Variants in ARHGEF38 observed in about 807,000 individuals in gnomAD.
The protein encoded by ARHGEF38 is Rho guanine nucleotide exchange factor 38.
A neutral mutation model predicts 79.9 loss-of-function variants in ARHGEF38; 79 were observed. The ratio of observed to expected loss-of-function variants is 0.99; its 90% CI spans 0.82 to 1.19. ARHGEF38 has a LOEUF of 1.19. Ranked by LOEUF, ARHGEF38 falls within the 50% of genes most tolerant of loss-of-function variation. ARHGEF38 has a pLI of 0.00. For synonymous variants in ARHGEF38, 366 were observed against 328.3 expected, an observed-to-expected ratio of 1.11 and a Z score of -1.24; for missense variants, 962 against 907.2, an observed-to-expected ratio of 1.06 and a Z score of -0.78.
intron 13 of ARHGEF38, among the ~76,000 whole-genome samples, chr4:105,672,735 G>T (rs779565142): frequency 6.6e-6 from 1 of 152,152 alleles, no homozygotes; most frequent in Non-Finnish European, 1.5e-5. Context: ...CTAGCTGTTT[G>T]CTGGTTGTAT....
chr4:105,628,654 C>T (rs907554776), intron 3 of ARHGEF38, among the ~76,000 whole-genome samples: 2 of 151,990 alleles, frequency 1.3e-5, no homozygotes, highest in Admixed American at 6.6e-5. Context: ...TTCTTATAGG[C>T]CCCCAGAAAG....
At chr4:105,658,240 T>A (rs1256387778) in intron 9 of ARHGEF38, among the ~76,000 whole-genome samples, 2 of 152,088 alleles carry the variant, frequency 1.3e-5, no homozygotes, top group Admixed American at 1.3e-4. Flanking sequence ...AGACCGTATC[T>A]CTACCAAAAA....
Position 105,589,412 on chromosome 4 carries a change from G to A in ARHGEF38, c.361G>A (p.Val121Ile), listed in dbSNP as rs779347709. Reference protein sequence around the residue: ...NDLELCVREVVQPLRNKKTDR... With the variant: ...NDLELCVREVIQPLRNKKTDR... ...TCTAGAGCTGTGTGTTAGGGAAGTG[G>A]TTCAGCCCCTGAGAAATAAAAAGGT... The change falls in exon 2 of 14, where the codon GTT (valine) becomes ATT (isoleucine). Residue 121 changes from valine (V) to isoleucine (I), a missense_variant. Coordinates refer to ENST00000420470, the MANE Select transcript of ARHGEF38 (RefSeq NM_001242729.2). 1 of 1,608,852 alleles carries A rather than the reference G, an allele frequency of 6.2e-7. No individual in the cohort carries two copies. Among genetic ancestry groups the A allele is most frequent in the South Asian group, 1.1e-5 (1 of 89,588 alleles).
At chr4:105,657,134 A>G (rs1004203249) in intron 9 of ARHGEF38, among the ~76,000 whole-genome samples, 1 of 152,206 alleles carries the variant, frequency 6.6e-6, no homozygotes, top group Non-Finnish European at 1.5e-5. Context: ...TATTTTCTGC[A>G]TTTAATTATA....
At chr4:105,662,196 C>T (rs1560756296) in intron 10 of ARHGEF38, among the ~76,000 whole-genome samples, 1 of 152,084 alleles carries the variant, frequency 6.6e-6, no homozygotes, top group South Asian at 2.1e-4. Context: ...CATATGAGGG[C>T]TATTTATCTT....
intron 5 of ARHGEF38, among the ~76,000 whole-genome samples, chr4:105,639,736 C>T (rs1382805405): frequency 6.6e-6 from 1 of 151,786 alleles, no homozygotes; most frequent in East Asian, 1.9e-4. Flanking sequence ...CTCATTTGTC[C>T]ATAAATGTAT....
intron 5 of ARHGEF38, among the ~76,000 whole-genome samples, chr4:105,641,697 T>C (rs777128287): frequency 1.3e-5 from 2 of 151,882 alleles, no homozygotes; most frequent in Non-Finnish European, 2.9e-5. Context: ...CATTAAGAAA[T>C]ATAGATGCGC....
chr4:105,641,665 T>C (rs536042729), intron 5 of ARHGEF38, among the ~76,000 whole-genome samples: 1 of 152,226 alleles, frequency 6.6e-6, no homozygotes, highest in East Asian at 1.9e-4. Flanking sequence ...ATTATTCTTT[T>C]TTTTATGTAT....
At chr4:105,612,980 TA>T (rs1419175468) in intron 2 of ARHGEF38, among the ~76,000 whole-genome samples, 1 of 152,108 alleles carries the variant, frequency 6.6e-6, no homozygotes, top group African/African-American at 2.4e-5. Context: ...ATCTGTGGTT[TA>T]AAAAACAGCT....
In ARHGEF38 at chr4:105,557,857, C is replaced by T. The variant is rs190658549; in HGVS notation, c.196+4896C>T. On this transcript the variant is annotated intron_variant, in intron 1 of 13. Transcript: ENST00000420470. ...CAAACCAACCAAGACGGGTCGATTA[C>T]CTTTATCCTCTATGGCCACACTAAA... Among the ~76,000 whole-genome samples the T allele has an allele frequency of 4.6e-5, 7 of 152,154 alleles. No homozygotes were observed. In the East Asian group the frequency reaches 1.4e-3, roughly 29 times the overall value.
chr4:105,676,664 A>G (rs974406923), intron 13 of ARHGEF38, among the ~76,000 whole-genome samples: 9 of 152,156 alleles, frequency 5.9e-5, no homozygotes, highest in African/African-American at 1.9e-4. Flanking sequence ...AATAATTATA[A>G]ATTGTTCTTT....
At position 105,679,055 on chromosome 4, in the gene ARHGEF38, C is replaced by A; in HGVS notation, c.*1118C>A. The A allele has an allele frequency of 2.3e-6, 1 of 441,736 alleles. No individual in the cohort carries two copies. Among genetic ancestry groups the A allele is most frequent in the South Asian group, 4.4e-5 (1 of 22,830 alleles). The allele number at this position is 441,736 out of a possible 1,614,324, so 27.4% of individuals were successfully genotyped here. On this transcript the variant is annotated 3_prime_UTR_variant, in exon 14 of 14. Transcript: ENST00000420470. ...CTAAATTAACTATCAAATACTCAGT[C>A]AAAACTCCATTTGTGGCCCCCACTT... is the stretch of plus-strand genomic sequence containing the variant.
intron 2 of ARHGEF38, among the ~76,000 whole-genome samples, chr4:105,609,279 T>C (rs1475283556): frequency 6.6e-6 from 1 of 152,074 alleles, no homozygotes; most frequent in Non-Finnish European, 1.5e-5. Flanking sequence ...GTTCTTGACA[T>C]CTTTGCTGAA....
chr4:105,644,893 T>C (rs1054157087), intron 5 of ARHGEF38, among the ~76,000 whole-genome samples: 2 of 152,246 alleles, frequency 1.3e-5, no homozygotes, highest in Non-Finnish European at 2.9e-5. Flanking sequence ...CATTATATTA[T>C]AAAGCCAATT....
At chr4:105,585,983 G>A (rs149954560) in intron 1 of ARHGEF38, among the ~76,000 whole-genome samples, 3,141 of 151,816 alleles carry the variant, frequency 0.021, 45 homozygotes, top group Middle Eastern at 0.068. Flanking sequence ...CACCCACCTC[G>A]GCCTCCCAAA....
chr4:105,631,290 T>C (rs1417986031), intron 4 of ARHGEF38: 1 of 1,132,314 alleles, frequency 8.8e-7, no homozygotes, highest in African/African-American at 1.6e-5. Flanking sequence ...GATTGAAAAA[T>C]GCAATATCAA....
intron 1 of ARHGEF38, among the ~76,000 whole-genome samples, chr4:105,575,344 C>T (rs906312948): frequency 6.6e-6 from 1 of 152,200 alleles, no homozygotes; most frequent in African/African-American, 2.4e-5. Flanking sequence ...TTGATAATGG[C>T]CATTCTTACT....
intron 3 of ARHGEF38, among the ~76,000 whole-genome samples, chr4:105,620,419 A>G (rs1393564726): frequency 6.6e-6 from 1 of 152,202 alleles, no homozygotes; most frequent in Non-Finnish European, 1.5e-5. Flanking sequence ...TGAAGATTTG[A>G]CAAAATTATG....
chr4:105,572,517 C>T (rs766621212), intron 1 of ARHGEF38, among the ~76,000 whole-genome samples: 65 of 152,140 alleles, frequency 4.3e-4, no homozygotes, highest in Middle Eastern at 3.2e-3. Context: ...AAATGAAACT[C>T]TGTAACTATT....
Sources: allele counts gnomAD v4.1 joint callset (sites outside exome capture counted in the v4.1 genomes callset), GRCh38; gene constraint gnomAD v4.1.1; transcripts MANE v1.5; gene names NCBI Gene and HGNC (gene_info 2026-07-23, HGNC 2026-07-21).